The following CDKAL1 variants were observed in gnomAD, a reference collection of about 807,000 sequenced individuals.
The protein encoded by CDKAL1 is CDKAL1 threonylcarbamoyladenosine tRNA methylthiotransferase.
A neutral mutation model predicts 68.2 loss-of-function variants in CDKAL1; 32 were observed. The ratio of observed to expected loss-of-function variants is 0.47; its 90% CI spans 0.35 to 0.63. The LOEUF (loss-of-function observed/expected upper bound fraction) is 0.63. CDKAL1 is among the 30% of genes least tolerant of loss of function. The pLI is 0.00. For synonymous variants in CDKAL1, 234 were observed against 244.3 expected (o/e 0.96, Z 0.39); for missense variants, 606 against 696.7 (o/e 0.87, Z 1.47).
chr6:20,763,967 G>A (rs987161763), intron 7 of CDKAL1, among the ~76,000 whole-genome samples: 2 of 152,102 alleles, frequency 1.3e-5, no homozygotes, highest in Non-Finnish European at 2.9e-5. Flanking sequence ...ATAAGGTGTG[G>A]AACTGAATGT....
At chr6:20,970,870 G>A (rs576623228) in intron 10 of CDKAL1, among the ~76,000 whole-genome samples, 5 of 152,170 alleles carry the variant, frequency 3.3e-5, no homozygotes, top group African/African-American at 1.2e-4. Flanking sequence ...TGTTTTTTGA[G>A]ACCAAGTCTC....
At chr6:20,807,942 G>T (rs983854879) in intron 8 of CDKAL1, among the ~76,000 whole-genome samples, 1 of 152,176 alleles carries the variant, frequency 6.6e-6, no homozygotes, top group Non-Finnish European at 1.5e-5. Context: ...TCTTCATTGG[G>T]ATTGATTAAT....
Position 20,781,121 on chromosome 6 carries a change from T to A in CDKAL1, c.518-24T>A, listed in dbSNP as rs777020237. On this transcript the variant is annotated intron_variant, in intron 7 of 15. Transcript: ENST00000274695. ...GTGAAGTGTGTAACTCTTGCTAATG[T>A]ATATTTATGTGCTTGATTTGAAGGT... is the stretch of plus-strand genomic sequence containing the variant. 6.2e-6 allele frequency: 10 copies of A among 1,605,108 alleles called. No individual in the cohort carries two copies. The African/African-American group carries it at 1.3e-4, about 22-fold the overall frequency.
At chr6:21,196,373 A>G (rs1218132851) in intron 13 of CDKAL1, among the ~76,000 whole-genome samples, 1 of 152,212 alleles carries the variant, frequency 6.6e-6, no homozygotes, top group African/African-American at 2.4e-5. Context: ...TTTGATAAAC[A>G]GAGCCATTGA....
rs529807805 is a variant in CDKAL1, at chr6:21,047,163, G to A, written c.1056-17885G>A. ...TGGCCTTGAACTCCTAGATCCTTCC[G>A]TCTCAGCCTCATGAGTAGCTAGGAC... On this transcript the variant is annotated intron_variant, in intron 11 of 15. Coordinates refer to ENST00000274695, the MANE Select transcript of CDKAL1 (RefSeq NM_017774.3). Among the ~76,000 whole-genome samples, 15 of 151,512 alleles carry A rather than the reference G, an allele frequency of 9.9e-5. No homozygotes were observed. The East Asian group carries it at 1.2e-3, about 12-fold the overall frequency.
At chr6:21,133,275 T>G (rs1775420559) in intron 13 of CDKAL1, among the ~76,000 whole-genome samples, 1 of 152,232 alleles carries the variant, frequency 6.6e-6, no homozygotes, top group Admixed American at 6.5e-5. Context: ...TGACAGATAC[T>G]GTCATCAGTA....
intron 15 of CDKAL1, among the ~76,000 whole-genome samples, chr6:21,205,738 A>C (rs551459345): frequency 1.3e-5 from 2 of 148,412 alleles, no homozygotes; most frequent in Non-Finnish European, 3.0e-5. Context: ...TCACTGTGTT[A>C]GCCAGGATGG....
chr6:21,113,473 C>T (rs1382523556), intron 13 of CDKAL1, among the ~76,000 whole-genome samples: 1 of 151,848 alleles, frequency 6.6e-6, no homozygotes, highest in Non-Finnish European at 1.5e-5. Flanking sequence ...TAGCAAGAAC[C>T]CATCTCTACA....
intron 5 of CDKAL1, among the ~76,000 whole-genome samples, chr6:20,714,822 A>G (rs913279602): frequency 7.9e-5 from 12 of 152,152 alleles, no homozygotes; most frequent in African/African-American, 2.9e-4. Flanking sequence ...ATAGAGTATA[A>G]CCTCTACATC....
chr6:20,799,153 A>G (rs1776260869), intron 8 of CDKAL1, among the ~76,000 whole-genome samples: 1 of 137,690 alleles, frequency 7.3e-6, no homozygotes, highest in South Asian at 2.4e-4. Flanking sequence ...CCCGGGTTCT[A>G]GCAATTCTGC....
intron 13 of CDKAL1, among the ~76,000 whole-genome samples, chr6:21,142,069 A>G (rs1319734489): frequency 6.6e-6 from 1 of 152,194 alleles, no homozygotes; most frequent in African/African-American, 2.4e-5. Context: ...AAACATTTAA[A>G]TAGCTGGTCC....
chr6:20,931,751 T>C (rs777538152), intron 9 of CDKAL1, among the ~76,000 whole-genome samples: 9 of 152,238 alleles, frequency 5.9e-5, no homozygotes, highest in African/African-American at 9.6e-5. Context: ...TATTATGTGC[T>C]GTAGTCACTG....
At chr6:21,173,911 A>C (rs1777484261) in intron 13 of CDKAL1, among the ~76,000 whole-genome samples, 1 of 152,188 alleles carries the variant, frequency 6.6e-6, no homozygotes, top group Admixed American at 6.5e-5. Context: ...CTCTGTGAAA[A>C]AGATTTAAAA....
chr6:20,731,169 C>T (rs1264001895), intron 5 of CDKAL1, among the ~76,000 whole-genome samples: 1 of 152,172 alleles, frequency 6.6e-6, no homozygotes, highest in Non-Finnish European at 1.5e-5. Flanking sequence ...GTAGTTAGAG[C>T]TTCGTAGGCC....
intron 10 of CDKAL1, among the ~76,000 whole-genome samples, chr6:20,990,505 G>A (rs769107301): frequency 2.6e-5 from 4 of 152,188 alleles, no homozygotes; most frequent in African/African-American, 9.6e-5. Context: ...TACTGAAAAC[G>A]TTAACTCTTA....
chr6:20,616,178 C>CTGTAG (rs1281512451), intron 4 of CDKAL1, among the ~76,000 whole-genome samples: 1 of 152,038 alleles, frequency 6.6e-6, no homozygotes, highest in Non-Finnish European at 1.5e-5. Context: ...GTTTTGGTTA[C>CTGTAG]TGTAGCCTTG....
chr6:21,163,221 C>G (rs1327136826), intron 13 of CDKAL1, among the ~76,000 whole-genome samples: 2 of 152,214 alleles, frequency 1.3e-5, no homozygotes, highest in Non-Finnish European at 2.9e-5. Flanking sequence ...CTTGAGATTA[C>G]TGCAGATGTG....
intron 8 of CDKAL1, among the ~76,000 whole-genome samples, chr6:20,784,149 G>A (rs1047550165): frequency 6.6e-6 from 1 of 151,384 alleles, no homozygotes; most frequent in Non-Finnish European, 1.5e-5. Flanking sequence ...GGTGGCAGAG[G>A]TTGCAGTGAG....
chr6:21,105,552 A>T (rs1244297741), intron 12 of CDKAL1, among the ~76,000 whole-genome samples: 1 of 152,222 alleles, frequency 6.6e-6, no homozygotes, highest in Non-Finnish European at 1.5e-5. Context: ...CCTTATTAAT[A>T]TCAGGTCCAA....
Sources: allele counts gnomAD v4.1 joint callset (sites outside exome capture counted in the v4.1 genomes callset), GRCh38; gene constraint gnomAD v4.1.1; transcripts MANE v1.5; gene names NCBI Gene and HGNC (gene_info 2026-07-23, HGNC 2026-07-21).